IRF2: variants seen among roughly 807,000 people sequenced by gnomAD.
IRF2 encodes interferon regulatory factor 2.
A neutral mutation model predicts 40.6 loss-of-function variants in IRF2; 15 were observed. That is an observed-to-expected ratio of 0.37 (90% confidence interval 0.25 to 0.57). The LOEUF (loss-of-function observed/expected upper bound fraction) is 0.57, where lower values mean the gene tolerates loss of function less well. Ranked by LOEUF, IRF2 falls within the 20% of genes least tolerant of loss-of-function variation. The probability of loss-of-function intolerance (pLI) is 0.77; values close to 1 mark genes in which losing one functional copy is unlikely to be tolerated. For missense variants in IRF2, 317 were observed against 455.7 expected (o/e 0.70, Z 2.77); for synonymous variants, 151 against 165.5 (o/e 0.91, Z 0.67).
At chr4:184,463,293 C>T (rs1739208021) in intron 1 of IRF2, among the ~76,000 whole-genome samples, 1 of 152,178 alleles carries the variant, frequency 6.6e-6, no homozygotes, top group South Asian at 2.1e-4. Context: ...CTACAACTTT[C>T]CCCTGTATTG....
In IRF2 at chr4:184,460,663, G is replaced by A. The variant is rs1250116335; in HGVS notation, c.-7+13716C>T. On this transcript the variant is annotated intron_variant, in intron 1 of 8. Transcript: ENST00000393593. ...CACGCACACACACACACACATGCAC[G>A]CGCACACACACACACATGCACGCAC... 7.2e-5 allele frequency among the ~76,000 whole-genome samples: 6 copies of A among 82,894 alleles called. No homozygotes were observed. In the South Asian group the frequency reaches 1.3e-3, roughly 19 times the overall value. The allele number at this position is 82,894 out of a possible 152,430, so 54.4% of individuals were successfully genotyped here.
intron 5 of IRF2, among the ~76,000 whole-genome samples, chr4:184,409,689 T>C (rs1199840050): frequency 6.6e-6 from 1 of 151,568 alleles, no homozygotes; most frequent in Non-Finnish European, 1.5e-5. Context: ...AGCCCAGGAG[T>C]TCGAGACCAG....
chr4:184,390,843 T>A, intron 7 of IRF2, 94 bp from the exon 8 acceptor site: 3 of 1,229,334 alleles, frequency 2.4e-6, no homozygotes, highest in Non-Finnish European at 1.2e-6. Context: ...ACTGAGTAAC[T>A]AAACGCATCA....
At chr4:184,421,733 A>G (rs1737489225) in intron 2 of IRF2, among the ~76,000 whole-genome samples, 1 of 147,536 alleles carries the variant, frequency 6.8e-6, no homozygotes, top group Non-Finnish European at 1.5e-5. Flanking sequence ...GCATACACAT[A>G]CACACACACA....
intron 7 of IRF2, among the ~76,000 whole-genome samples, chr4:184,395,833 C>T (rs1736434725): frequency 6.6e-6 from 1 of 152,262 alleles, no homozygotes; most frequent in Non-Finnish European, 1.5e-5. Context: ...TCCTTTCAAA[C>T]CTATGCAAAT....
At chr4:184,433,837 G>A (rs945722633) in intron 1 of IRF2, among the ~76,000 whole-genome samples, 5 of 152,174 alleles carry the variant, frequency 3.3e-5, no homozygotes, top group African/African-American at 1.2e-4. Context: ...ACGGTACAAA[G>A]TTTGCCATTT....
At chr4:184,397,455 C>T (rs1736509558) in intron 7 of IRF2, among the ~76,000 whole-genome samples, 1 of 151,890 alleles carries the variant, frequency 6.6e-6, no homozygotes, top group Non-Finnish European at 1.5e-5. Flanking sequence ...GCACTGAATG[C>T]TACTAAACTG....
intron 7 of IRF2, among the ~76,000 whole-genome samples, chr4:184,398,454 C>T (rs970509279): frequency 1.3e-5 from 2 of 151,964 alleles, no homozygotes; most frequent in African/African-American, 4.8e-5. Flanking sequence ...GTCAGGAGCT[C>T]GAGACCAGCC....
intron 6 of IRF2, among the ~76,000 whole-genome samples, chr4:184,401,130 A>G (rs959512732): frequency 1.8e-4 from 28 of 152,230 alleles, no homozygotes; most frequent in Admixed American, 1.7e-3. Context: ...ACCAATCGGC[A>G]AAGTATTCAG....
intron 2 of IRF2, among the ~76,000 whole-genome samples, chr4:184,419,854 G>T (rs2149900844): frequency 6.6e-6 from 1 of 152,246 alleles, no homozygotes; most frequent in East Asian, 1.9e-4. Context: ...CATTATTTGT[G>T]CCTCTTTTCT....
intron 6 of IRF2, among the ~76,000 whole-genome samples, chr4:184,403,255 C>G (rs1233785023): frequency 2.0e-5 from 3 of 152,174 alleles, no homozygotes; most frequent in Non-Finnish European, 4.4e-5. Flanking sequence ...CTCTCACTAA[C>G]CAGTCTCTAT....
intron 6 of IRF2, chr4:184,407,075 A>T: frequency 1.7e-6 from 1 of 572,234 alleles, no homozygotes; most frequent in East Asian, 6.8e-5. Context: ...GAAACACAAC[A>T]GGGTTATAGA....
chr4:184,430,882 G>A (rs942177767), intron 1 of IRF2, among the ~76,000 whole-genome samples: 1 of 152,014 alleles, frequency 6.6e-6, no homozygotes, highest in African/African-American at 2.4e-5. Flanking sequence ...TTTTTGTAGA[G>A]CTGGGGTCTC....
intron 5 of IRF2, among the ~76,000 whole-genome samples, chr4:184,415,722 C>G (rs1450005093): frequency 6.6e-6 from 1 of 152,180 alleles, no homozygotes; most frequent in Non-Finnish European, 1.5e-5. Context: ...TCTGTTACTC[C>G]GTTCTTATTT....
intron 1 of IRF2, among the ~76,000 whole-genome samples, chr4:184,440,039 C>G (rs1264713752): frequency 6.6e-6 from 1 of 152,226 alleles, no homozygotes; most frequent in African/African-American, 2.4e-5. Context: ...CCCACAAACT[C>G]TCAAAGGGCA....
intron 1 of IRF2, among the ~76,000 whole-genome samples, chr4:184,433,042 G>A (rs770145591): frequency 3.9e-5 from 6 of 152,314 alleles, no homozygotes; most frequent in Non-Finnish European, 8.8e-5. Flanking sequence ...CAGTGACAGG[G>A]AGGGCCCAGA....
intron 1 of IRF2, among the ~76,000 whole-genome samples, chr4:184,469,954 G>T (rs1018223546): frequency 6.6e-6 from 1 of 152,096 alleles, no homozygotes; most frequent in Non-Finnish European, 1.5e-5. Flanking sequence ...GACCCTATAT[G>T]TTATTCATCA....
rs1736945473 is a variant in IRF2, at chr4:184,408,481, C to T, written c.412-206G>A. ...GCACTGCTGGGTATTCAGCTCCTTC[C>T]ATTTTCCTTCAAGGAAACGGTACCG... On this transcript the variant is annotated intron_variant, in intron 5 of 8. Coordinates refer to ENST00000393593, the MANE Select transcript of IRF2 (RefSeq NM_002199.4). This position sits in a 1 kb window ranked among gnomAD's most constrained non-coding sequence, Gnocchi z 4.9. Among the ~76,000 whole-genome samples, 8 of 152,210 alleles carry T rather than the reference C, an allele frequency of 5.3e-5. No individual in the cohort carries two copies. Among genetic ancestry groups the T allele is most frequent in the Admixed American group, 5.2e-4 (8 of 15,280 alleles).
intron 7 of IRF2, among the ~76,000 whole-genome samples, chr4:184,398,670 TA>T (rs1047311101): frequency 6.8e-6 from 1 of 146,424 alleles, no homozygotes; most frequent in Non-Finnish European, 1.5e-5. Context: ...AAAAAAAAAA[TA>T]AATAAATAAA....
Sources: gnomAD v4.1 joint callset for allele counts (sites outside exome capture counted in the v4.1 genomes callset) on GRCh38, gnomAD v4.1.1 for gene constraint, Gnocchi (gnomAD v3.1) non-coding constraint, MANE v1.5 for transcripts, NCBI Gene and HGNC (gene_info 2026-07-23, HGNC 2026-07-21) for gene names.